SAMSN1: variants seen among roughly 807,000 people sequenced by gnomAD.
The protein encoded by SAMSN1 is SAM domain-containing protein SAMSN-1.
In SAMSN1, 31 loss-of-function variants were observed where a neutral mutation model predicts 42.0. That is an observed-to-expected ratio of 0.74 (90% CI 0.55 to 1.00). SAMSN1 has a LOEUF of 1.00. SAMSN1 is among the 50% of genes least tolerant of loss of function. The probability of loss-of-function intolerance (pLI) is 0.00; values close to 1 mark genes in which losing one functional copy is unlikely to be tolerated. For synonymous variants in SAMSN1, 178 were observed against 151.9 expected (o/e 1.17, Z -1.26); for missense variants, 464 against 439.4 (o/e 1.06, Z -0.50).
At chr21:14,503,926 AAG>A (rs1368605636) in intron 5 of SAMSN1, among the ~76,000 whole-genome samples, 2 of 152,288 alleles carry the variant, frequency 1.3e-5, no homozygotes, top group East Asian at 3.9e-4. Flanking sequence ...TTAACATCAT[AAG>A]ACTCTGTGCA....
intron 2 of SAMSN1, among the ~76,000 whole-genome samples, chr21:14,638,221 A>C (rs1389279921): frequency 6.6e-6 from 1 of 152,224 alleles, no homozygotes; most frequent in African/African-American, 2.4e-5. Context: ...GCCATGTTAA[A>C]GGAAATGAGC....
intron 2 of SAMSN1, among the ~76,000 whole-genome samples, chr21:14,581,356 T>C (rs1227636145): frequency 8.9e-5 from 9 of 100,822 alleles, no homozygotes; most frequent in African/African-American, 2.7e-4. Flanking sequence ...TTTTTTTTTT[T>C]TTTTTTTTTT....
At chr21:14,624,504 C>T (rs562646470) in intron 2 of SAMSN1, among the ~76,000 whole-genome samples, 25 of 152,170 alleles carry the variant, frequency 1.6e-4, no homozygotes, top group East Asian at 3.9e-4. Context: ...AACACCTCTA[C>T]GCAAATAAAC....
At chr21:14,630,671 C>T (rs1177553471) in intron 2 of SAMSN1, among the ~76,000 whole-genome samples, 1 of 152,104 alleles carries the variant, frequency 6.6e-6, no homozygotes, top group Non-Finnish European at 1.5e-5. Context: ...TTTTAGTCAA[C>T]GTAATCTGTG....
At chr21:14,650,071 T>A (rs997016962) in intron 1 of SAMSN1, among the ~76,000 whole-genome samples, 4 of 152,204 alleles carry the variant, frequency 2.6e-5, no homozygotes, top group African/African-American at 9.6e-5. Flanking sequence ...TAAAGAGGGA[T>A]AGGACCAAAT....
chr21:14,658,844 C>T (rs533577488), upstream of SAMSN1: 1 of 712,236 alleles, frequency 1.4e-6, no homozygotes. Context: ...CTCTTGCCTT[C>T]ACAGCTGTTT....
intron 1 of SAMSN1, among the ~76,000 whole-genome samples, chr21:14,536,190 G>T (rs1289009314): frequency 1.3e-5 from 2 of 152,040 alleles, no homozygotes. Flanking sequence ...TTTGGAAACG[G>T]ATATGTAAAG....
chr21:14,573,774 A>G (rs925055567), intron 2 of SAMSN1, among the ~76,000 whole-genome samples: 1 of 152,152 alleles, frequency 6.6e-6, no homozygotes, highest in African/African-American at 2.4e-5. Context: ...TCCAAAGATG[A>G]GGAGGTAGAA....
At chr21:14,545,972 A>T (rs1441895962) in intron 1 of SAMSN1, among the ~76,000 whole-genome samples, 1 of 152,192 alleles carries the variant, frequency 6.6e-6, no homozygotes, top group African/African-American at 2.4e-5. Context: ...TCACTTACAG[A>T]TGTAAATGTT....
intron 1 of SAMSN1, among the ~76,000 whole-genome samples, chr21:14,534,558 C>CA (rs1232860038): frequency 6.6e-6 from 1 of 151,756 alleles, no homozygotes; most frequent in Non-Finnish European, 1.5e-5. Flanking sequence ...CGCTGTCGCC[C>CA]AGGCTGGAGT....
At chr21:14,648,743 T>A (rs1247797345) in intron 1 of SAMSN1, among the ~76,000 whole-genome samples, 1 of 151,676 alleles carries the variant, frequency 6.6e-6, no homozygotes, top group African/African-American at 2.4e-5. Context: ...CCAGTTAGAA[T>A]GGCGATCATT....
At chr21:14,624,300 GAC>G (rs1434170287) in intron 2 of SAMSN1, among the ~76,000 whole-genome samples, 2 of 152,048 alleles carry the variant, frequency 1.3e-5, no homozygotes, top group African/African-American at 4.8e-5. Context: ...AGGAGATAGA[GAC>G]ACAAAAAACC....
chr21:14,658,769 C>T (rs1170745685), exon 1 of SAMSN1: 2 of 715,380 alleles, frequency 2.8e-6, no homozygotes, highest in Non-Finnish European at 5.2e-6. Context: ...AGAAAAGATT[C>T]ATTTTGACCA....
chr21:14,508,892 G>T lies in SAMSN1; in HGVS notation c.561+1418C>A, dbSNP rs190157011. 5.3e-5 allele frequency among the ~76,000 whole-genome samples: 8 copies of T among 152,256 alleles called. No homozygotes were observed. In the East Asian group the frequency reaches 1.4e-3, roughly 26 times the overall value. On this transcript the variant is annotated intron_variant, in intron 5 of 7. Coordinates refer to ENST00000400566, the MANE Select transcript of SAMSN1 (RefSeq NM_022136.5). ...TGCCTGTAATCCCAGCACTTTGGGAGGCTGAGGTGGGTGGATCACGAGGTC... is the reference window on the plus strand; with the variant it reads ...TGCCTGTAATCCCAGCACTTTGGGATGCTGAGGTGGGTGGATCACGAGGTC...
intron 5 of SAMSN1, 64 bp downstream of exon 5, chr21:14,510,246 G>A (rs1987624253): frequency 6.6e-7 from 1 of 1,522,716 alleles, no homozygotes; most frequent in African/African-American, 1.4e-5. Context: ...TATACTTGCT[G>A]AAACAGATCA....
chr21:14,612,578 C>T (rs867992160), intron 4 of SAMSN1: 42 of 510,250 alleles, frequency 8.2e-5, no homozygotes, highest in African/African-American at 4.2e-4. Context: ...ACCTTGACCA[C>T]GGAGCAGCCA....
At chr21:14,573,844 T>C (rs8128727) in intron 2 of SAMSN1, among the ~76,000 whole-genome samples, 50,166 of 152,100 alleles carry the variant, frequency 0.33, 10,779 homozygotes, top group African/African-American at 0.62. Flanking sequence ...GCTAAGCTCA[T>C]AGCTGACTCT....
At chr21:14,594,296 A>G (rs1379601720) in intron 6 of SAMSN1, among the ~76,000 whole-genome samples, 1 of 152,178 alleles carries the variant, frequency 6.6e-6, no homozygotes, top group Admixed American at 6.6e-5. Flanking sequence ...ATGTGTATGT[A>G]TACATAGTAT....
intron 1 of SAMSN1, among the ~76,000 whole-genome samples, chr21:14,648,233 T>C (rs144306576): frequency 0.011 from 1,640 of 152,314 alleles, 40 homozygotes; most frequent in Non-Finnish European, 0.01. Flanking sequence ...AAGCTGAAAC[T>C]GGATCCCTTC....
Sources: allele counts gnomAD v4.1 joint callset (sites outside exome capture counted in the v4.1 genomes callset), GRCh38; gene constraint gnomAD v4.1.1; transcripts MANE v1.5; gene names NCBI Gene and HGNC (gene_info 2026-07-23, HGNC 2026-07-21).